Variants in CSMD3 observed in about 807,000 individuals in gnomAD.
CSMD3 encodes the protein CUB and Sushi multiple domains 3.
Under a neutral mutation model 435.2 loss-of-function variants are expected in CSMD3, and 177 were observed. The ratio of observed to expected loss-of-function variants is 0.41; its 90% CI spans 0.36 to 0.46. The LOEUF is 0.46. CSMD3 is among the 20% of genes least tolerant of loss of function. The pLI, the probability that CSMD3 is intolerant of heterozygous loss-of-function variation, is 0.34. For missense variants in CSMD3, 4,265 were observed against 4,504.6 expected (o/e 0.95, Z 1.52); for synonymous variants, 1,656 against 1,520.5 (o/e 1.09, Z -2.07).
chr8:113,077,277 A>C (rs919449392), intron 5 of CSMD3, among the ~76,000 whole-genome samples: 6 of 152,112 alleles, frequency 3.9e-5, no homozygotes, highest in Admixed American at 1.3e-4. Context: ...CTTCCAACTA[A>C]ATGTAATCTT....
chr8:112,712,913 T>G (rs1427939749), intron 13 of CSMD3, among the ~76,000 whole-genome samples: 1 of 152,030 alleles, frequency 6.6e-6, no homozygotes, highest in Non-Finnish European at 1.5e-5. Flanking sequence ...GGGAAGCTGG[T>G]TATTAGTCTG....
At chr8:113,100,129 T>A (rs1314265560) in intron 4 of CSMD3, among the ~76,000 whole-genome samples, 3 of 152,142 alleles carry the variant, frequency 2.0e-5, no homozygotes, top group African/African-American at 7.2e-5. Flanking sequence ...TATTAGCTTT[T>A]TTCTTTCTTG....
chr8:113,377,956 A>G (rs2094396415), intron 1 of CSMD3, among the ~76,000 whole-genome samples: 1 of 152,346 alleles, frequency 6.6e-6, no homozygotes, highest in African/African-American at 2.4e-5. Flanking sequence ...CAAAATGGTC[A>G]TATAAGTTTG....
chr8:113,005,030 T>C (rs746403615), intron 6 of CSMD3, among the ~76,000 whole-genome samples: 1 of 151,812 alleles, frequency 6.6e-6, no homozygotes, highest in African/African-American at 2.4e-5. Flanking sequence ...TAAATGCATA[T>C]TCCAAATGAT....
At chr8:113,272,775 G>A (rs1345961212) in intron 3 of CSMD3, among the ~76,000 whole-genome samples, 1 of 151,958 alleles carries the variant, frequency 6.6e-6, no homozygotes, top group Non-Finnish European at 1.5e-5. Context: ...CACAAATCTG[G>A]AACTATTTTC....
intron 27 of CSMD3, among the ~76,000 whole-genome samples, chr8:112,534,239 G>A (rs1053892657): frequency 3.3e-5 from 5 of 152,006 alleles, no homozygotes; most frequent in African/African-American, 1.2e-4. Flanking sequence ...CCAGGAGCTG[G>A]TTTTTTGAAA....
intron 12 of CSMD3, 148 bp from the exon 13 acceptor site, chr8:112,800,422 G>A: frequency 1.5e-6 from 1 of 671,140 alleles, no homozygotes; most frequent in Non-Finnish European, 2.7e-6. Flanking sequence ...TGTGACAGAA[G>A]AAAAAACTAC....
At chr8:113,127,729 T>C (rs1268238269) in intron 4 of CSMD3, among the ~76,000 whole-genome samples, 1 of 152,092 alleles carries the variant, frequency 6.6e-6, no homozygotes, top group Non-Finnish European at 1.5e-5. Flanking sequence ...TCTAAGCATA[T>C]AATTAAAACA....
chr8:113,435,665 G>A (rs2094701601), intron 1 of CSMD3, among the ~76,000 whole-genome samples: 1 of 151,622 alleles, frequency 6.6e-6, no homozygotes, highest in Admixed American at 6.6e-5. Flanking sequence ...TAGCTTCACT[G>A]AAAGCGGCAT....
At chr8:113,131,092 G>A (rs1286225838) in intron 4 of CSMD3, among the ~76,000 whole-genome samples, 1 of 152,110 alleles carries the variant, frequency 6.6e-6, no homozygotes, top group Non-Finnish European at 1.5e-5. Flanking sequence ...TCTGAAATTT[G>A]AAGTTATATT....
At chr8:112,535,552 C>T (rs1825990232) in intron 27 of CSMD3, among the ~76,000 whole-genome samples, 1 of 152,102 alleles carries the variant, frequency 6.6e-6, no homozygotes, top group Non-Finnish European at 1.5e-5. Context: ...ACATTCCATG[C>T]TCATGGGTAG....
intron 48 of CSMD3, 80 bp from the exon 49 acceptor site, chr8:112,314,132 G>T (rs2130833496): frequency 9.4e-7 from 1 of 1,069,174 alleles, no homozygotes; most frequent in Non-Finnish European, 1.4e-6. Context: ...CTTTAGAATA[G>T]TATTAAATAT....
rs1182101249 is a variant in CSMD3 at position 112,405,213 on chromosome 8, CCATATATATATATAT to C, written c.5809+1296_5809+1310del. Among the ~76,000 whole-genome samples, 36 of 17,894 alleles carry C rather than the reference CCATATATATATATAT, an allele frequency of 2.0e-3. 3 individuals carry two copies. The highest frequency in any genetic ancestry group is 0.011 in the African/African-American group (34 of 3,210). The allele number at this position is 17,894 out of a possible 152,430, so 11.7% of individuals were successfully genotyped here. On this transcript the variant is annotated intron_variant, in intron 35 of 70. Coordinates refer to ENST00000297405, the MANE Select transcript of CSMD3 (RefSeq NM_198123.2). The stretch of plus-strand genomic sequence containing the variant: ...AAAAAAAAAAAAAAAAAAAAAACCC[CCATATATATATATAT>C]ATATATATATATATATATACATATA...
At chr8:112,513,107 T>A (rs1340737302) in intron 28 of CSMD3, among the ~76,000 whole-genome samples, 4 of 152,244 alleles carry the variant, frequency 2.6e-5, no homozygotes, top group Non-Finnish European at 5.9e-5. Context: ...ATTTGCTTCA[T>A]ATCTGCAACA....
chr8:113,265,908 C>A (rs181177624), intron 3 of CSMD3, among the ~76,000 whole-genome samples: 5 of 151,398 alleles, frequency 3.3e-5, no homozygotes, highest in Admixed American at 3.3e-4. Flanking sequence ...GACATTTCCT[C>A]GTATTCTGTT....
At chr8:113,086,003 C>T (rs961225187) in intron 5 of CSMD3, among the ~76,000 whole-genome samples, 10 of 151,922 alleles carry the variant, frequency 6.6e-5, no homozygotes, top group Non-Finnish European at 1.2e-4. Flanking sequence ...TTCGGGAGGC[C>T]GAGGCAGGTG....
rs71309771 is a variant in CSMD3 at position 112,469,160 on chromosome 8, CAAAAAAAA to C, written c.5395+3423_5395+3430del. 4.9e-3 allele frequency among the ~76,000 whole-genome samples: 451 copies of C among 91,634 alleles called. 4 individuals carry two copies. Among genetic ancestry groups the C allele is most frequent in the African/African-American group, 0.018 (415 of 23,290 alleles). 60.1% of individuals were successfully genotyped at this position (91,634 alleles called of 152,430 possible). A position where few individuals can be genotyped will look rare whatever the true frequency, so the allele number is the denominator to read the frequency against. The stretch of plus-strand genomic sequence containing the variant: ...TACAGGCATTTAATTCTACACCAGG[CAAAAAAAA>C]AAAAAAAAAAAAAAGTAATTTGGTA... On this transcript the variant is annotated intron_variant, in intron 32 of 70. Transcript: ENST00000297405.
intron 47 of CSMD3, among the ~76,000 whole-genome samples, chr8:112,314,947 T>G (rs1181545033): frequency 6.6e-6 from 1 of 151,936 alleles, no homozygotes; most frequent in Non-Finnish European, 1.5e-5. Context: ...TTCTCCCACC[T>G]CTGCCTGTCT....
At chr8:113,176,858 T>C (rs191516427) in intron 3 of CSMD3, among the ~76,000 whole-genome samples, 210 of 150,946 alleles carry the variant, frequency 1.4e-3, no homozygotes, top group African/African-American at 4.8e-3. Context: ...CTTTTACCTA[T>C]GTAACAAACC....
Sources: allele counts gnomAD v4.1 joint callset (sites outside exome capture counted in the v4.1 genomes callset), GRCh38; gene constraint gnomAD v4.1.1; transcripts MANE v1.5; gene names NCBI Gene and HGNC (gene_info 2026-07-23, HGNC 2026-07-21).